RASAL2: variants seen among roughly 807,000 people sequenced by gnomAD.
The protein encoded by RASAL2 is ras GTPase-activating protein nGAP.
A neutral mutation model predicts 128.9 loss-of-function variants in RASAL2; 58 were observed. That is an observed-to-expected ratio of 0.45 (90% confidence interval 0.36 to 0.56). RASAL2 has a LOEUF of 0.56. RASAL2 is among the 20% of genes least tolerant of loss of function. RASAL2 has a pLI of 0.00. For synonymous variants in RASAL2, 561 were observed against 580.8 expected, an observed-to-expected ratio of 0.97 and a Z score of 0.49; for missense variants, 1,360 against 1,601.6, an observed-to-expected ratio of 0.85 and a Z score of 2.57.
intron 3 of RASAL2, among the ~76,000 whole-genome samples, chr1:178,320,632 T>C (rs1329846052): frequency 6.6e-6 from 1 of 152,204 alleles, no homozygotes; most frequent in Non-Finnish European, 1.5e-5. Context: ...GGTGAGGCAA[T>C]GCCTCGCCCT....
At chr1:178,333,319 G>T (rs1027131990) in intron 3 of RASAL2, among the ~76,000 whole-genome samples, 2 of 152,142 alleles carry the variant, frequency 1.3e-5, no homozygotes, top group Non-Finnish European at 2.9e-5. Flanking sequence ...AAGCCACCGC[G>T]CCCGGCCAGA....
At chr1:178,105,094 T>C (rs1282561472) in intron 1 of RASAL2, among the ~76,000 whole-genome samples, 1 of 152,264 alleles carries the variant, frequency 6.6e-6, no homozygotes, top group Non-Finnish European at 1.5e-5. Context: ...GTATGTCTTA[T>C]ATAATACTGT....
At chr1:178,449,702 T>C (rs1461954481) in intron 9 of RASAL2, among the ~76,000 whole-genome samples, 1 of 152,136 alleles carries the variant, frequency 6.6e-6, no homozygotes, top group Non-Finnish European at 1.5e-5. Flanking sequence ...TGGTTATTGT[T>C]TCAACAGTTA....
At chr1:178,268,645 G>GGGTATT (rs1169002825) in intron 1 of RASAL2, among the ~76,000 whole-genome samples, 2 of 152,006 alleles carry the variant, frequency 1.3e-5, no homozygotes, top group African/African-American at 4.8e-5. Flanking sequence ...GAGAGAGGAG[G>GGGTATT]GGTATTGCTT....
chr1:178,274,314 C>T (rs1029307566), intron 1 of RASAL2, among the ~76,000 whole-genome samples: 2 of 152,108 alleles, frequency 1.3e-5, no homozygotes, highest in African/African-American at 4.8e-5. Flanking sequence ...CCTTGAAAAG[C>T]TCTAATTCTT....
chr1:178,447,673 TAAAAAAAAA>T (rs60358768), intron 9 of RASAL2, among the ~76,000 whole-genome samples: 34 of 56,050 alleles, frequency 6.1e-4, no homozygotes, highest in African/African-American at 2.0e-3. Context: ...CTCCTTCTCT[TAAAAAAAAA>T]AAAAAAAAAA....
intron 1 of RASAL2, among the ~76,000 whole-genome samples, chr1:178,145,007 T>C (rs1039919659): frequency 4.6e-5 from 7 of 152,314 alleles, no homozygotes; most frequent in Middle Eastern, 3.4e-3. Flanking sequence ...ATGTTTTAAG[T>C]TCTGGGCCAT....
intron 3 of RASAL2, chr1:178,341,483 A>G (rs975817899): frequency 2.6e-6 from 4 of 1,557,004 alleles, no homozygotes; most frequent in South Asian, 2.4e-5. Context: ...AAATGAGAGC[A>G]AAAAGGGAGA....
At chr1:178,144,479 G>A (rs186427676) in intron 1 of RASAL2, among the ~76,000 whole-genome samples, 1 of 152,244 alleles carries the variant, frequency 6.6e-6, no homozygotes, top group East Asian at 1.9e-4. Flanking sequence ...CTTTATGAAA[G>A]AATAATTTCT....
chr1:178,329,411 G>A (rs1374804115), intron 3 of RASAL2, among the ~76,000 whole-genome samples: 1 of 152,098 alleles, frequency 6.6e-6, no homozygotes, highest in Non-Finnish European at 1.5e-5. Context: ...CCTGTGAAGT[G>A]CTCAGCATTG....
chr1:178,423,882 G>A (rs574198764), intron 5 of RASAL2, among the ~76,000 whole-genome samples: 126 of 152,146 alleles, frequency 8.3e-4, no homozygotes, highest in African/African-American at 2.9e-3. Context: ...TATTACTACG[G>A]ATAGTAAGCC....
intron 1 of RASAL2, among the ~76,000 whole-genome samples, chr1:178,279,031 G>A (rs1666656892): frequency 6.6e-6 from 1 of 152,154 alleles, no homozygotes; most frequent in South Asian, 2.1e-4. Flanking sequence ...AGCATTTGAA[G>A]GAGCCCAAAG....
At chr1:178,130,826 G>A (rs1174097459) in intron 1 of RASAL2, among the ~76,000 whole-genome samples, 5 of 152,080 alleles carry the variant, frequency 3.3e-5, no homozygotes, top group East Asian at 3.9e-4. Context: ...AGGCCAAGGC[G>A]GGCGGATCAC....
chr1:178,300,248 G>C (rs542119979), intron 3 of RASAL2, 130 bp downstream of exon 3: 2 of 1,056,860 alleles, frequency 1.9e-6, no homozygotes, highest in South Asian at 3.3e-5. Context: ...CACGTTAAGC[G>C]AGAGTTAGAG....
chr1:178,407,679 G>A (rs1444610743), intron 4 of RASAL2, among the ~76,000 whole-genome samples: 2 of 152,102 alleles, frequency 1.3e-5, no homozygotes, highest in Non-Finnish European at 2.9e-5. Flanking sequence ...TGTGGTCACT[G>A]ATGTGAAAAA....
At chr1:178,438,854 C>A (rs955985414) in intron 5 of RASAL2, among the ~76,000 whole-genome samples, 2 of 143,838 alleles carry the variant, frequency 1.4e-5, no homozygotes, top group Non-Finnish European at 3.0e-5. Flanking sequence ...AAGACAAGGT[C>A]TTGTGATAAA....
At chr1:178,137,521 AC>A in intron 1 of RASAL2, among the ~76,000 whole-genome samples, 1 of 152,320 alleles carries the variant, frequency 6.6e-6, no homozygotes, top group East Asian at 1.9e-4. Context: ...TAAGGCACAT[AC>A]AATCCCAGCT....
At chr1:178,332,001 C>T (rs1669344306) in intron 3 of RASAL2, among the ~76,000 whole-genome samples, 2 of 152,094 alleles carry the variant, frequency 1.3e-5, no homozygotes, top group Admixed American at 6.5e-5. Flanking sequence ...ATACTTTCAG[C>T]ATTATTCAAT....
chr1:178,172,927 T>G (rs1558094974), intron 1 of RASAL2, among the ~76,000 whole-genome samples: 1 of 152,138 alleles, frequency 6.6e-6, no homozygotes, highest in Non-Finnish European at 1.5e-5. Context: ...ACCTGGTAAT[T>G]GCATTCCTAG....
Sources: gnomAD v4.1 joint callset for allele counts (sites outside exome capture counted in the v4.1 genomes callset) on GRCh38, gnomAD v4.1.1 for gene constraint, MANE v1.5 for transcripts, NCBI Gene and HGNC (gene_info 2026-07-23, HGNC 2026-07-21) for gene names.